Variants in CAMKMT observed in about 807,000 individuals in gnomAD.
CAMKMT encodes calmodulin-lysine N-methyltransferase.
In CAMKMT, 53 loss-of-function variants were observed where a neutral mutation model predicts 48.0. The observed-to-expected ratio is 1.10, with a 90% CI of 0.89 to 1.39. The LOEUF is 1.39. Ranked by LOEUF, CAMKMT falls within the 40% of genes most tolerant of loss-of-function variation. The pLI, the probability that CAMKMT is intolerant of heterozygous loss-of-function variation, is 0.00. For missense variants in CAMKMT, 428 were observed against 402.7 expected (o/e 1.06, Z -0.54); for synonymous variants, 165 against 152.3 (o/e 1.08, Z -0.61).
intron 3 of CAMKMT, among the ~76,000 whole-genome samples, chr2:44,656,903 TG>T (rs1287251154): frequency 6.6e-6 from 1 of 152,218 alleles, no homozygotes; most frequent in Admixed American, 6.5e-5. Context: ...AATATTTTTC[TG>T]ACACTGCAAG....
chr2:44,682,606 C>G (rs538641584), intron 3 of CAMKMT, among the ~76,000 whole-genome samples: 85 of 152,306 alleles, frequency 5.6e-4, no homozygotes, highest in African/African-American at 1.9e-3. Context: ...CAGCTGGTCT[C>G]TGGATGATGA....
chr2:44,602,673 T>C (rs1480431094), intron 3 of CAMKMT, among the ~76,000 whole-genome samples: 1 of 151,982 alleles, frequency 6.6e-6, no homozygotes, highest in Non-Finnish European at 1.5e-5. Context: ...AAGCACGTCT[T>C]ACTACGGCAG....
At chr2:44,409,102 TA>T (rs1682992657) in intron 3 of CAMKMT, among the ~76,000 whole-genome samples, 1 of 3,078 alleles carries the variant, frequency 3.2e-4, no homozygotes, top group African/African-American at 1.6e-3. Context: ...TATATATATA[TA>T]TATATATATA....
intron 3 of CAMKMT, among the ~76,000 whole-genome samples, chr2:44,453,989 A>C (rs1390037404): frequency 6.6e-6 from 1 of 152,060 alleles, no homozygotes; most frequent in East Asian, 1.9e-4. Flanking sequence ...AATTAGACAA[A>C]ATACCATTGA....
intron 3 of CAMKMT, among the ~76,000 whole-genome samples, chr2:44,611,439 GAAA>G (rs78882825): frequency 8.7e-6 from 1 of 114,398 alleles, no homozygotes; most frequent in Admixed American, 8.6e-5. Context: ...GTCCCCAAAA[GAAA>G]AAAAAAAAAA....
chr2:44,466,351 A>G (rs1439573861), intron 3 of CAMKMT, among the ~76,000 whole-genome samples: 1 of 152,226 alleles, frequency 6.6e-6, no homozygotes, highest in Non-Finnish European at 1.5e-5. Context: ...CTGAAATAAA[A>G]CTAGAAATCA....
At chr2:44,571,868 A>C (rs1203994365) in intron 3 of CAMKMT, among the ~76,000 whole-genome samples, 1 of 152,212 alleles carries the variant, frequency 6.6e-6, no homozygotes, top group Non-Finnish European at 1.5e-5. Context: ...TATTACTTGC[A>C]GAGCTTATAC....
intron 3 of CAMKMT, among the ~76,000 whole-genome samples, chr2:44,648,228 A>G (rs1292988665): frequency 1.3e-5 from 2 of 152,138 alleles, no homozygotes; most frequent in Non-Finnish European, 2.9e-5. Flanking sequence ...TTTAGGTTTG[A>G]TAGAAAAAGC....
chr2:44,399,874 G>T (rs1572763551), intron 3 of CAMKMT, among the ~76,000 whole-genome samples: 1 of 152,080 alleles, frequency 6.6e-6, no homozygotes, highest in Non-Finnish European at 1.5e-5. Flanking sequence ...GGTCGCAGTT[G>T]TTCTTATCAT....
Position 44,384,597 on chromosome 2 carries a change from C to G in CAMKMT, c.312-5644C>G, listed in dbSNP as rs1308914279. 2.2e-5 allele frequency among the ~76,000 whole-genome samples: 3 copies of G among 139,356 alleles called. No individual in the cohort carries two copies. The Admixed American group carries it at 2.4e-4, about 11-fold the overall frequency. The allele number at this position is 139,356 out of a possible 152,430, so 91.4% of individuals were successfully genotyped here. On this transcript the variant is annotated intron_variant, in intron 2 of 10. Transcript: ENST00000378494. The stretch of plus-strand genomic sequence containing the variant: ...AGAAGAGTTTTTCCAATGTTATCTT[C>G]TAGAATTTTGATAGTTTCAGGTCTT...
chr2:44,588,153 G>A (rs1225028210), intron 3 of CAMKMT, among the ~76,000 whole-genome samples: 4 of 134,436 alleles, frequency 3.0e-5, no homozygotes, highest in East Asian at 2.1e-4. Flanking sequence ...TGTGAGGAGC[G>A]CCTCTGCCCG....
chr2:44,364,273 G>A (rs184486288), intron 1 of CAMKMT, among the ~76,000 whole-genome samples: 3 of 152,136 alleles, frequency 2.0e-5, no homozygotes, highest in Admixed American at 2.0e-4. Flanking sequence ...TTCTGACATC[G>A]AAACTTTTGG....
intron 3 of CAMKMT, chr2:44,456,700 T>A: frequency 1.7e-6 from 2 of 1,200,054 alleles, no homozygotes; most frequent in Admixed American, 2.4e-5. Flanking sequence ...CTACCTCTGC[T>A]TGTCTTCATG....
At chr2:44,516,497 T>G (rs2104784193) in intron 3 of CAMKMT, among the ~76,000 whole-genome samples, 1 of 152,248 alleles carries the variant, frequency 6.6e-6, no homozygotes, top group African/African-American at 2.4e-5. Flanking sequence ...TAAAAAATTT[T>G]GTCCCTCTCT....
intron 9 of CAMKMT, among the ~76,000 whole-genome samples, chr2:44,759,800 C>T (rs929207931): frequency 2.6e-5 from 4 of 152,174 alleles, no homozygotes; most frequent in Non-Finnish European, 5.9e-5. Context: ...GTGTGCTTAG[C>T]AGAGAATACC....
chr2:44,761,251 T>C (rs1458487778), intron 9 of CAMKMT, among the ~76,000 whole-genome samples: 1 of 152,068 alleles, frequency 6.6e-6, no homozygotes, highest in African/African-American at 2.4e-5. Flanking sequence ...GGCATTCCAC[T>C]CAAGGGGAGC....
chr2:44,459,752 A>G (rs192108023), intron 3 of CAMKMT, among the ~76,000 whole-genome samples: 8 of 152,330 alleles, frequency 5.3e-5, no homozygotes, highest in Admixed American at 5.2e-4. Flanking sequence ...CCTTGATAGC[A>G]AAGTGCCAAA....
chr2:44,624,541 T>C (rs1278252681), intron 3 of CAMKMT, among the ~76,000 whole-genome samples: 2 of 152,168 alleles, frequency 1.3e-5, no homozygotes, highest in East Asian at 3.9e-4. Flanking sequence ...TGTGTTCTCA[T>C]TGTTCAGTTC....
intron 3 of CAMKMT, among the ~76,000 whole-genome samples, chr2:44,471,550 T>C (rs570580287): frequency 7.7e-4 from 117 of 151,974 alleles, no homozygotes; most frequent in African/African-American, 2.7e-3. Flanking sequence ...CAGAGAGCCA[T>C]GATTGTGCCA....
Sources: allele counts gnomAD v4.1 joint callset (sites outside exome capture counted in the v4.1 genomes callset), GRCh38; gene constraint gnomAD v4.1.1; transcripts MANE v1.5; gene names NCBI Gene and HGNC (gene_info 2026-07-23, HGNC 2026-07-21).